The following ANKIB1 variants were observed in gnomAD, a reference collection of about 807,000 sequenced individuals.
The protein encoded by ANKIB1 is ankyrin repeat and IBR domain-containing protein 1.
Under a neutral mutation model 122.1 loss-of-function variants are expected in ANKIB1, and 43 were observed. That is an observed-to-expected ratio of 0.35 (90% CI 0.28 to 0.45). The LOEUF is 0.45. ANKIB1 is among the 20% of genes least tolerant of loss of function. The pLI, the probability that ANKIB1 is intolerant of heterozygous loss-of-function variation, is 1.00. For missense variants in ANKIB1, 992 were observed against 1,329.5 expected (o/e 0.75, Z 3.95); for synonymous variants, 390 against 442.0 (o/e 0.88, Z 1.48).
intron 2 of ANKIB1, among the ~76,000 whole-genome samples, chr7:92,305,838 T>A (rs1802547475): frequency 6.6e-6 from 1 of 152,152 alleles, no homozygotes; most frequent in African/African-American, 2.4e-5. Context: ...TATGGCTGAA[T>A]AGAGGTTGAG....
chr7:92,358,109 T>G (rs1046622801), intron 9 of ANKIB1, among the ~76,000 whole-genome samples: 9 of 151,992 alleles, frequency 5.9e-5, no homozygotes, highest in African/African-American at 2.2e-4. Context: ...GGGCATGGTG[T>G]TGTGCACCTG....
chr7:92,332,469 ATATT>A (rs1478517504), intron 5 of ANKIB1, among the ~76,000 whole-genome samples: 1 of 152,246 alleles, frequency 6.6e-6, no homozygotes, highest in African/African-American at 2.4e-5. Flanking sequence ...GACGGCATAA[ATATT>A]TAGCAGTATT....
At chr7:92,346,210 G>A (rs188965842) in intron 7 of ANKIB1, among the ~76,000 whole-genome samples, 309 of 150,200 alleles carry the variant, frequency 2.1e-3, no homozygotes, top group African/African-American at 7.1e-3. Context: ...TCACTGCAAC[G>A]TCTTCCTTCC....
At chr7:92,381,270 G>A (rs1358872346) in intron 11 of ANKIB1, among the ~76,000 whole-genome samples, 1 of 152,178 alleles carries the variant, frequency 6.6e-6, no homozygotes, top group Non-Finnish European at 1.5e-5. Context: ...TACAATTGGT[G>A]TACCTGAAAG....
intron 1 of ANKIB1, among the ~76,000 whole-genome samples, chr7:92,255,342 A>G (rs546645822): frequency 1.3e-5 from 2 of 152,356 alleles, no homozygotes; most frequent in South Asian, 4.1e-4. Context: ...AAAGGGTCAT[A>G]TAAATAAACA....
chr7:92,295,842 C>T (rs1260194337), intron 2 of ANKIB1, among the ~76,000 whole-genome samples: 2 of 152,184 alleles, frequency 1.3e-5, no homozygotes, highest in Admixed American at 1.3e-4. Flanking sequence ...ATGGGAATTA[C>T]ATTTGATATT....
intron 1 of ANKIB1, among the ~76,000 whole-genome samples, chr7:92,262,584 T>A (rs1801587854): frequency 6.6e-6 from 1 of 152,148 alleles, no homozygotes; most frequent in South Asian, 2.1e-4. Context: ...GTATATAGCA[T>A]GATCTGGTTC....
At chr7:92,341,765 T>A (rs531450282) in intron 5 of ANKIB1, among the ~76,000 whole-genome samples, 1 of 152,192 alleles carries the variant, frequency 6.6e-6, no homozygotes, top group Non-Finnish European at 1.5e-5. Context: ...TTTTGACTTA[T>A]AATGGTGCTA....
At chr7:92,275,442 G>A (rs1585083188) in intron 1 of ANKIB1, among the ~76,000 whole-genome samples, 1 of 152,056 alleles carries the variant, frequency 6.6e-6, no homozygotes, top group South Asian at 2.1e-4. Flanking sequence ...AACTCAGGAC[G>A]GTATTTGAAA....
chr7:92,338,165 C>G (rs1234153103), intron 5 of ANKIB1, among the ~76,000 whole-genome samples: 1 of 151,834 alleles, frequency 6.6e-6, no homozygotes, highest in East Asian at 1.9e-4. Context: ...AATTTTAGCA[C>G]TTGGGGAGCC....
intron 1 of ANKIB1, among the ~76,000 whole-genome samples, chr7:92,251,264 T>TA (rs748655990): frequency 1.2e-4 from 19 of 152,232 alleles, no homozygotes; most frequent in Non-Finnish European, 1.9e-4. Context: ...AATGTTCATT[T>TA]AAAATCCATG....
intron 1 of ANKIB1, among the ~76,000 whole-genome samples, chr7:92,258,953 G>T (rs1282016604): frequency 1.4e-5 from 2 of 147,198 alleles, no homozygotes; most frequent in Non-Finnish European, 3.0e-5. Context: ...TTTTTGTTTT[G>T]TTTTGTTTTG....
rs556904659 is a variant in ANKIB1 at position 92,287,073 on chromosome 7, T to C, written c.-90-7816T>C. Among the ~76,000 whole-genome samples, 9 of 152,320 alleles carry C rather than the reference T, an allele frequency of 5.9e-5. No individual in the cohort carries two copies. In the South Asian group the frequency reaches 1.7e-3, roughly 28 times the overall value. The stretch of plus-strand genomic sequence containing the variant: ...TTTTCGCCTTTTTATTTTTAAGTAA[T>C]TTTAGACTTATGGAAAGGTTGCAAA... On this transcript the variant is annotated intron_variant, in intron 1 of 19. Coordinates refer to ENST00000265742, the MANE Select transcript of ANKIB1 (RefSeq NM_019004.2).
At position 92,279,847 on chromosome 7, in the gene ANKIB1, A is replaced by C. The variant is rs80193792; in HGVS notation, c.-90-15042A>C. On this transcript the variant is annotated intron_variant, in intron 1 of 19. Coordinates refer to ENST00000265742, the MANE Select transcript of ANKIB1 (RefSeq NM_019004.2). ...TTATCCTGGCAACCTTAGAGTCCAAATTGACCCACTCAAAAAACAAACAAA... is the reference window on the plus strand; with the variant it reads ...TTATCCTGGCAACCTTAGAGTCCAACTTGACCCACTCAAAAAACAAACAAA... Among the ~76,000 whole-genome samples, 1,092 of 152,246 alleles carry C rather than the reference A, an allele frequency of 7.2e-3. 11 individuals are homozygous for C. The highest frequency in any genetic ancestry group is 0.025 in the African/African-American group (1,040 of 41,546).
chr7:92,294,236 A>G (rs1472537678), intron 1 of ANKIB1, among the ~76,000 whole-genome samples: 1 of 152,198 alleles, frequency 6.6e-6, no homozygotes, highest in South Asian at 2.1e-4. Flanking sequence ...ATGTTTTCAG[A>G]CTTAAATTCT....
chr7:92,262,345 A>G (rs1338294498), intron 1 of ANKIB1, among the ~76,000 whole-genome samples: 1 of 152,238 alleles, frequency 6.6e-6, no homozygotes, highest in African/African-American at 2.4e-5. Flanking sequence ...TTGCTGAGAA[A>G]ACAGATACTG....
chr7:92,246,526 C>T lies in ANKIB1; in HGVS notation c.-91+7C>T. On this transcript the variant is annotated splice_region_variant and intron_variant, in intron 1 of 19. Coordinates refer to ENST00000265742, the MANE Select transcript of ANKIB1 (RefSeq NM_019004.2). ...CTCAGCGAGAGAAGTAACCGTAAGT[C>T]TCAGCTTCGCGGTACAGATGTGTTT... The T allele has an allele frequency of 1.9e-6, 1 of 518,080 alleles. No individual in the cohort carries two copies. Among genetic ancestry groups the T allele is most frequent in the South Asian group, 1.4e-5 (1 of 71,350 alleles). The allele number at this position is 518,080 out of a possible 1,614,324, so 32.1% of individuals were successfully genotyped here.
At chr7:92,310,841 C>T (rs1316461609) in intron 3 of ANKIB1, among the ~76,000 whole-genome samples, 1 of 152,152 alleles carries the variant, frequency 6.6e-6, no homozygotes, top group East Asian at 1.9e-4. Flanking sequence ...TTTTTACCTG[C>T]TGTTGGTTGA....
intron 1 of ANKIB1, among the ~76,000 whole-genome samples, chr7:92,268,589 C>G (rs563552294): frequency 6.6e-6 from 1 of 152,230 alleles, no homozygotes; most frequent in African/African-American, 2.4e-5. Flanking sequence ...GCAATCCTCC[C>G]ACCTCAGGCT....
Sources: gnomAD v4.1 joint callset for allele counts (sites outside exome capture counted in the v4.1 genomes callset) on GRCh38, gnomAD v4.1.1 for gene constraint, MANE v1.5 for transcripts, NCBI Gene and HGNC (gene_info 2026-07-23, HGNC 2026-07-21) for gene names.